Variants in SLC14A1 observed in about 807,000 individuals in gnomAD.
The protein encoded by SLC14A1 is urea transporter 1.
In SLC14A1, 36 loss-of-function variants were observed where a neutral mutation model predicts 39.6. The ratio of observed to expected loss-of-function variants is 0.91; its 90% CI spans 0.70 to 1.20. The LOEUF (loss-of-function observed/expected upper bound fraction) is 1.20. SLC14A1 is among the 50% of genes most tolerant of loss of function. SLC14A1 has a pLI of 0.00. For synonymous variants in SLC14A1, 164 were observed against 173.6 expected (o/e 0.94, Z 0.43); for missense variants, 469 against 478.7 (o/e 0.98, Z 0.19).
At chr18:45,737,467 T>C (rs1228844798) in intron 6 of SLC14A1, 1 of 152,262 alleles carries the variant, frequency 6.6e-6, no homozygotes, top group East Asian at 1.9e-4. Flanking sequence ...AAACCTTACC[T>C]TTTTAATGTG....
Position 45,751,460 on chromosome 18 carries a change from C to G in SLC14A1, c.*1509C>G. Reference sequence around the variant, plus strand: ...TAAAGTTATCAGTTCCGTAAAGTCTCTGTAACCAAACATACTGAAGACAGC... The same window carrying G: ...TAAAGTTATCAGTTCCGTAAAGTCTGTGTAACCAAACATACTGAAGACAGC... On this transcript the variant is annotated 3_prime_UTR_variant, in exon 10 of 10. Transcript: ENST00000321925. 1.0e-6 allele frequency: 1 copy of G among 984,904 alleles called. No homozygotes were observed. Among genetic ancestry groups the G allele is most frequent in the Non-Finnish European group, 1.2e-6 (1 of 829,846 alleles). The allele number at this position is 984,904 out of a possible 1,614,324, so 61.0% of individuals were successfully genotyped here.
chr18:45,745,421 G>A (rs910886404), intron 8 of SLC14A1, among the ~76,000 whole-genome samples: 2 of 152,106 alleles, frequency 1.3e-5, no homozygotes, highest in African/African-American at 4.8e-5. Flanking sequence ...TTTTCCTGGT[G>A]CATCTAAGGA....
chr18:45,735,578 A>G (rs931897051), intron 5 of SLC14A1, among the ~76,000 whole-genome samples: 10 of 152,248 alleles, frequency 6.6e-5, no homozygotes, highest in African/African-American at 2.2e-4. Context: ...AAATACTAAT[A>G]TGCACATAAA....
At chr18:45,733,262 C>T (rs756331521) in intron 4 of SLC14A1, among the ~76,000 whole-genome samples, 17 of 152,028 alleles carry the variant, frequency 1.1e-4, no homozygotes, top group Admixed American at 7.9e-4. Context: ...GAGAAGAAGA[C>T]GGGGAAGAAA....
At chr18:45,741,296 A>G (rs1320388635) in intron 8 of SLC14A1, among the ~76,000 whole-genome samples, 1 of 152,214 alleles carries the variant, frequency 6.6e-6, no homozygotes, top group East Asian at 1.9e-4. Context: ...ATAAGCATTT[A>G]AGATAATATT....
At chr18:45,727,555 A>G in intron 2 of SLC14A1, 1 of 1,087,888 alleles carries the variant, frequency 9.2e-7, no homozygotes, top group Admixed American at 2.9e-5. Context: ...TCTTGGTCCA[A>G]AAAGCCCCAT....
intron 8 of SLC14A1, among the ~76,000 whole-genome samples, chr18:45,744,367 A>G (rs1236043499): frequency 6.6e-6 from 1 of 152,218 alleles, no homozygotes; most frequent in African/African-American, 2.4e-5. Flanking sequence ...GAGACCTTGT[A>G]TGCTGGAGAA....
At chr18:45,746,173 G>A (rs571373287) in intron 8 of SLC14A1, among the ~76,000 whole-genome samples, 1 of 152,310 alleles carries the variant, frequency 6.6e-6, no homozygotes, top group South Asian at 2.1e-4. Context: ...TTATCGCAGT[G>A]GGACTCACCT....
At chr18:45,730,944 C>T in intron 3 of SLC14A1, 71 bp from the exon 4 acceptor site, 2 of 1,377,088 alleles carry the variant, frequency 1.5e-6, no homozygotes, top group Non-Finnish European at 2.1e-6. Flanking sequence ...TGATTTTGCT[C>T]AGGGTGGGCC....
intron 2 of SLC14A1, among the ~76,000 whole-genome samples, chr18:45,728,504 T>G (rs769102453): frequency 6.6e-6 from 1 of 152,170 alleles, no homozygotes; most frequent in Non-Finnish European, 1.5e-5. Flanking sequence ...ATGCCTCCCA[T>G]AAGTTGGTAT....
At chr18:45,739,883 G>A in intron 8 of SLC14A1, 1 of 604,908 alleles carries the variant, frequency 1.7e-6, no homozygotes, top group South Asian at 1.9e-5. Flanking sequence ...GGAGCCTATT[G>A]AGTCATATTA....
At chr18:45,725,277 C>G (rs2144724302) in intron 2 of SLC14A1, among the ~76,000 whole-genome samples, 1 of 152,242 alleles carries the variant, frequency 6.6e-6, no homozygotes, top group Non-Finnish European at 1.5e-5. Context: ...TATTAAAATG[C>G]TAAGCACTGC....
Position 45,739,298 on chromosome 18 carries a change from G to C in SLC14A1, c.799G>C (p.Gly267Arg), listed in dbSNP as rs747616861. ...GCATGCTGCCATAGGATCATTGCTG[G>C]GCATAGCAGCGGGTGAGCACAAGAG... ...CLHAAIGSLL[G>R]IAAGLSLSAP... The change falls in exon 7 of 10, where the codon GGC becomes CGC. Residue 267 changes from glycine to arginine, a missense_variant. By Grantham distance (125) the Gly-to-Arg change is moderately radical. Coordinates refer to ENST00000321925, the MANE Select transcript of SLC14A1 (RefSeq NM_015865.7). 3 of 1,613,986 alleles carry C rather than the reference G, an allele frequency of 1.9e-6. No individual in the cohort carries two copies. The African/African-American group carries it at 4.0e-5, about 22-fold the overall frequency.
Position 45,750,404 on chromosome 18 carries a change from G to T in SLC14A1, c.*453G>T. On this transcript the variant is annotated 3_prime_UTR_variant, in exon 10 of 10. Coordinates refer to ENST00000321925, the MANE Select transcript of SLC14A1 (RefSeq NM_015865.7). Reference sequence around the variant, plus strand: ...CCAGAATTCTGTGATAAGCAGCTTGGCTTTTTTTTTAAATCAATGCAAGTT... The same window carrying T: ...CCAGAATTCTGTGATAAGCAGCTTGTCTTTTTTTTTAAATCAATGCAAGTT... 2.8e-6 allele frequency: 3 copies of T among 1,071,618 alleles called. No homozygotes were observed. The highest frequency in any genetic ancestry group is 3.4e-6 in the Non-Finnish European group (3 of 882,566). The allele number at this position is 1,071,618 out of a possible 1,614,324, so 66.4% of individuals were successfully genotyped here.
chr18:45,745,781 C>G (rs2047529017), intron 8 of SLC14A1, among the ~76,000 whole-genome samples: 1 of 152,148 alleles, frequency 6.6e-6, no homozygotes, highest in Non-Finnish European at 1.5e-5. Flanking sequence ...GCCCACTGGG[C>G]CCCCACAAGG....
At chr18:45,736,702 C>A in intron 6 of SLC14A1, 54 bp downstream of exon 6, 1 of 1,504,790 alleles carries the variant, frequency 6.6e-7, no homozygotes, top group Non-Finnish European at 9.2e-7. Context: ...TACGCAATGG[C>A]CTCCTGGTCA....
rs746726637 is a variant in SLC14A1, at chr18:45,739,548, T to C, written c.832T>C (p.Phe278Leu). The change falls in exon 8 of 10, where the codon TTT becomes CTT. Residue 278 changes from phenylalanine (F) to leucine (L), a missense_variant. Transcript: ENST00000321925. ...IAAGLSLSAP[F>L]EDIYFGLWGF... The stretch of plus-strand genomic sequence containing the variant: ...AACAGGACTCAGTCTTTCAGCCCCA[T>C]TTGAGGACATCTACTTTGGACTCTG... 1.2e-6 allele frequency: 2 copies of C among 1,614,134 alleles called. No homozygotes were observed. The highest frequency in any genetic ancestry group is 1.7e-6 in the Non-Finnish European group (2 of 1,179,990).
At chr18:45,745,189 C>A (rs1266644199) in intron 8 of SLC14A1, among the ~76,000 whole-genome samples, 1 of 152,228 alleles carries the variant, frequency 6.6e-6, no homozygotes, top group African/African-American at 2.4e-5. Flanking sequence ...CTGCAGTGAG[C>A]TGAGATCATG....
intron 2 of SLC14A1, chr18:45,727,285 C>A (rs758575384): frequency 1.3e-6 from 2 of 1,551,574 alleles, no homozygotes; most frequent in Non-Finnish European, 8.7e-7. Context: ...AATGGACGGT[C>A]TTTGATTGGC....
Sources: gnomAD v4.1 joint callset for allele counts (sites outside exome capture counted in the v4.1 genomes callset) on GRCh38, gnomAD v4.1.1 for gene constraint, MANE v1.5 for transcripts, NCBI Gene and HGNC (gene_info 2026-07-23, HGNC 2026-07-21) for gene names.